Variants in PCDHGA8 observed in about 807,000 individuals in gnomAD.
PCDHGA8 encodes the protein protocadherin gamma subfamily A, 8.
In PCDHGA8, 45 loss-of-function variants were observed where a neutral mutation model predicts 59.2. The ratio of observed to expected loss-of-function variants is 0.76; its 90% CI spans 0.60 to 0.98. PCDHGA8 has a LOEUF of 0.98. PCDHGA8 is among the 50% of genes least tolerant of loss of function. The pLI is 0.00. For missense variants in PCDHGA8, 1,257 were observed against 1,196.2 expected, an observed-to-expected ratio of 1.05 and a Z score of -0.75; for synonymous variants, 531 against 519.0, an observed-to-expected ratio of 1.02 and a Z score of -0.32.
rs369354938 is a variant in PCDHGA8, at chr5:141,404,125, T to C, written c.2424+8888T>C. 7.5e-4 allele frequency: 1,204 copies of C among 1,613,214 alleles called. 1 individual carries two copies. The highest frequency in any genetic ancestry group is 8.4e-4 in the Non-Finnish European group (986 of 1,179,494). On this transcript the variant is annotated intron_variant, in intron 1 of 3. Coordinates refer to ENST00000398604, the MANE Select transcript of PCDHGA8 (RefSeq NM_032088.2). Reference sequence around the variant, plus strand: ...TCTGTTCTATCCAGGAGAATCTATCTTTTACATTAGAAAATTCAGAAGAAG... The same window carrying C: ...TCTGTTCTATCCAGGAGAATCTATCCTTTACATTAGAAAATTCAGAAGAAG...
At chr5:141,502,710 C>T (rs2099815750) in intron 2 of PCDHGA8, among the ~76,000 whole-genome samples, 1 of 152,168 alleles carries the variant, frequency 6.6e-6, no homozygotes, top group South Asian at 2.1e-4. Context: ...GTTTTTACAT[C>T]AGTGATTACA....
chr5:141,430,659 G>A, intron 1 of PCDHGA8: 1 of 1,110,600 alleles, frequency 9.0e-7, no homozygotes, highest in Non-Finnish European at 1.2e-6. Context: ...AACAACGGAG[G>A]AGCTCTGACT....
intron 1 of PCDHGA8, among the ~76,000 whole-genome samples, chr5:141,466,387 A>G (rs1312030857): frequency 1.3e-5 from 2 of 152,108 alleles, no homozygotes; most frequent in Non-Finnish European, 2.9e-5. Flanking sequence ...CATCTAATGG[A>G]AAGTTTGCTC....
In PCDHGA8 at chr5:141,489,189, C is replaced by A; in HGVS notation, c.2425-5618C>A. 1 of 1,341,534 alleles carries A rather than the reference C, an allele frequency of 7.5e-7. No homozygotes were observed. The highest frequency in any genetic ancestry group is 1.0e-6 in the Non-Finnish European group (1 of 975,280). 83.1% of individuals were successfully genotyped at this position (1,341,534 alleles called of 1,614,324 possible). A position where few individuals can be genotyped will look rare whatever the true frequency, so the allele number is the denominator to read the frequency against. On this transcript the variant is annotated intron_variant, in intron 1 of 3. Transcript: ENST00000398604. This position sits in a 1 kb window ranked among gnomAD's most constrained non-coding sequence, Gnocchi z 4.5. ...TGCTGCATTCCAAGCCCTGGGTCTA[C>A]CTTGGAGACAGGACAGCACAGACTT...
In PCDHGA8 at chr5:141,438,621, TATATATATATATATACACAC is replaced by T. The variant is rs1185208192; in HGVS notation, c.2424+43386_2424+43405del. Among the ~76,000 whole-genome samples, 212 of 41,372 alleles carry T rather than the reference TATATATATATATATACACAC, an allele frequency of 5.1e-3. 1 individual carries two copies. The highest frequency in any genetic ancestry group is 0.03 in the African/African-American group (177 of 5,808). 27.1% of individuals were successfully genotyped at this position (41,372 alleles called of 152,430 possible). On this transcript the variant is annotated intron_variant, in intron 1 of 3. Transcript: ENST00000398604. ...ATATATATATATATATATATATATA[TATATATATATATATACACAC>T]ACACACACACATATATGTATATATA...
intron 1 of PCDHGA8, among the ~76,000 whole-genome samples, chr5:141,438,252 G>A (rs1181991674): frequency 6.6e-6 from 1 of 152,072 alleles, no homozygotes. Context: ...AACTGTCATT[G>A]AAGAGACCAT....
chr5:141,490,033 A>C lies in PCDHGA8; in HGVS notation c.2425-4774A>C, dbSNP rs200482631. The C allele has an allele frequency of 4.0e-5, 65 of 1,614,116 alleles. No homozygotes were observed. Among genetic ancestry groups the C allele is most frequent in the Non-Finnish European group, 4.1e-5 (48 of 1,180,040 alleles). On this transcript the variant is annotated intron_variant, in intron 1 of 3. Transcript: ENST00000398604. This position sits in a 1 kb window ranked among gnomAD's most constrained non-coding sequence, Gnocchi z 5.4. ...CATTGGTACTCTGCTGCTCCGCCTC[A>C]ATGCCACTGATCCAGACGAGGGCAC...
At chr5:141,461,409 A>G (rs572412049) in intron 1 of PCDHGA8, among the ~76,000 whole-genome samples, 1 of 151,928 alleles carries the variant, frequency 6.6e-6, no homozygotes, top group East Asian at 1.9e-4. Flanking sequence ...GCATTTTTTC[A>G]TATGTTTGTG....
chr5:141,482,530 C>CAAAAAAAAAAA (rs3074545), intron 1 of PCDHGA8, among the ~76,000 whole-genome samples: 21 of 76,546 alleles, frequency 2.7e-4, no homozygotes, highest in African/African-American at 4.8e-4. Context: ...GACAGACATG[C>CAAAAAAAAAAA]AAAAAAAAAA....
At chr5:141,478,500 T>G in intron 1 of PCDHGA8, 1 of 1,612,740 alleles carries the variant, frequency 6.2e-7, no homozygotes, top group Non-Finnish European at 8.5e-7. Flanking sequence ...TGTGATCCGG[T>G]GTTCTATAGG....
intron 1 of PCDHGA8, among the ~76,000 whole-genome samples, chr5:141,455,138 T>C (rs1393664563): frequency 6.6e-6 from 1 of 151,028 alleles, no homozygotes; most frequent in Non-Finnish European, 1.5e-5. Context: ...TTACACTGTG[T>C]TAAATAAATA....
chr5:141,505,577 G>A lies in PCDHGA8; in HGVS notation c.2572+96G>A, dbSNP rs537948666. 8.2e-6 allele frequency: 13 copies of A among 1,589,854 alleles called. No homozygotes were observed. The African/African-American group carries it at 1.1e-4, about 13-fold the overall frequency. Reference sequence around the variant, plus strand: ...TGCCCACGGACTGGATGTCAAACCTGTGTAGTTTCTCCAGATCTTTCGGCA... The same window carrying A: ...TGCCCACGGACTGGATGTCAAACCTATGTAGTTTCTCCAGATCTTTCGGCA... On this transcript the variant is annotated intron_variant, in intron 3 of 3. Coordinates refer to ENST00000398604, the MANE Select transcript of PCDHGA8 (RefSeq NM_032088.2).
chr5:141,410,847 G>GTATTTTTTT, intron 1 of PCDHGA8: 1 of 158,252 alleles, frequency 6.3e-6, no homozygotes, highest in African/African-American at 8.4e-5. Context: ...TTTTGTCTTT[G>GTATTTTTTT]TCTTTTTTTT....
At position 141,477,493 on chromosome 5, in the gene PCDHGA8, A is replaced by G. The variant is rs2154575835; in HGVS notation, c.2425-17314A>G. ...ATGACAACCCTCCACAATCTTCTCA[A>G]TCTTCCTACGACGTTTACATTGAAG... On this transcript the variant is annotated intron_variant, in intron 1 of 3. Transcript: ENST00000398604. This position sits in a 1 kb window ranked among gnomAD's most constrained non-coding sequence, Gnocchi z 4.9. 6.2e-7 allele frequency: 1 copy of G among 1,613,976 alleles called. No individual in the cohort carries two copies. The highest frequency in any genetic ancestry group is 1.6e-4 in the Middle Eastern group (1 of 6,062).
In PCDHGA8 at chr5:141,510,915, A is replaced by G; in HGVS notation, c.2573-32A>G. 8 of 1,613,786 alleles carry G rather than the reference A, an allele frequency of 5.0e-6. No individual in the cohort carries two copies. The South Asian group carries it at 8.8e-5, about 18-fold the overall frequency. ...AGTGACTGTTGAGGACCCTAAGTTT[A>G]GCTCCCACCTGATCTTCCTCTGTCT... On this transcript the variant is annotated intron_variant, in intron 3 of 3. Coordinates refer to ENST00000398604, the MANE Select transcript of PCDHGA8 (RefSeq NM_032088.2).
intron 1 of PCDHGA8, chr5:141,423,928 G>C: frequency 8.1e-7 from 1 of 1,236,850 alleles, no homozygotes; most frequent in Non-Finnish European, 1.0e-6. Flanking sequence ...ATGCTGGTTT[G>C]GTTTGAAGTA....
At chr5:141,415,740 G>GTTTTTTT (rs57426385) in intron 1 of PCDHGA8, 164 of 624,990 alleles carry the variant, frequency 2.6e-4, no homozygotes, top group African/African-American at 5.0e-4. Flanking sequence ...GTTTATTAAG[G>GTTTTTTT]TTTTTTTTTT....
In PCDHGA8 at chr5:141,394,485, A is replaced by G. The variant is rs376708104; in HGVS notation, c.1672A>G (p.Asn558Asp). Residue 558 changes from asparagine to aspartate, a missense_variant, in exon 1 of 4, where the codon AAC becomes GAC. Coordinates refer to ENST00000398604, the MANE Select transcript of PCDHGA8 (RefSeq NM_032088.2). ...CCTGTTCGTGCTGGACCAGAATGAC[A>G]ACGCGCCCGAGATCCTGTACCCCGC... ...LSLFVLDQND[N>D]APEILYPALP... 1.9e-6 allele frequency: 3 copies of G among 1,614,184 alleles called. No individual in the cohort carries two copies. The highest frequency in any genetic ancestry group is 2.5e-6 in the Non-Finnish European group (3 of 1,180,032).
In PCDHGA8 at chr5:141,398,855, A is replaced by G. The variant is rs1376506270; in HGVS notation, c.2424+3618A>G. ...GCCAATGATAATCCCCCGGTATTCA[A>G]CCGAGACGTGTACAGAGTCAGCCTT... On this transcript the variant is annotated intron_variant, in intron 1 of 3. Coordinates refer to ENST00000398604, the MANE Select transcript of PCDHGA8 (RefSeq NM_032088.2). 2.5e-6 allele frequency: 4 copies of G among 1,613,852 alleles called. No individual in the cohort carries two copies. The African/African-American group carries it at 5.3e-5, about 22-fold the overall frequency.
Sources: gnomAD v4.1 joint callset for allele counts (sites outside exome capture counted in the v4.1 genomes callset) on GRCh38, gnomAD v4.1.1 for gene constraint, Gnocchi (gnomAD v3.1) non-coding constraint, MANE v1.5 for transcripts, NCBI Gene and HGNC (gene_info 2026-07-23, HGNC 2026-07-21) for gene names.